POM121: variants seen among roughly 807,000 people sequenced by gnomAD.
The protein encoded by POM121 is POM121 transmembrane nucleoporin.
POM121 carries 32 observed loss-of-function variants against 81.3 expected under a neutral mutation model. The observed-to-expected ratio is 0.39, with a 90% CI of 0.30 to 0.53. POM121 has a LOEUF of 0.53. POM121 is among the 20% of genes least tolerant of loss of function. The probability of loss-of-function intolerance (pLI) is 0.66; values close to 1 mark genes in which losing one functional copy is unlikely to be tolerated. For synonymous variants in POM121, 514 were observed against 694.2 expected, an observed-to-expected ratio of 0.74 and a Z score of 4.08; for missense variants, 1,138 against 1,614.6, an observed-to-expected ratio of 0.70 and a Z score of 5.06.
chr7:72,889,728 A>G (rs1554490597), intron 1 of POM121, among the ~76,000 whole-genome samples: 1 of 152,074 alleles, frequency 6.6e-6, no homozygotes, highest in Non-Finnish European at 1.5e-5. Context: ...ATGTTGCCCA[A>G]CCTGGTCTCG....
intron 3 of POM121, among the ~76,000 whole-genome samples, chr7:72,899,617 C>T (rs1479367206): frequency 6.4e-5 from 9 of 141,684 alleles, no homozygotes; most frequent in South Asian, 2.2e-4. Flanking sequence ...CTCGCTCTGT[C>T]GCCCAGGCTG....
intron 5 of POM121, among the ~76,000 whole-genome samples, chr7:72,935,134 T>C (rs1482343192): frequency 6.6e-6 from 1 of 152,068 alleles, no homozygotes; most frequent in African/African-American, 2.4e-5. Flanking sequence ...AATATTGACC[T>C]TGTTTACTTC....
Position 72,917,012 on chromosome 7 carries a change from T to C in POM121, c.-152+3184T>C, listed in dbSNP as rs1794350251. ...GTCTTGGCATGATTTGTGACTGTCA[T>C]TGAAACATGGACATTTGAATATTGC... On this transcript the variant is annotated intron_variant, in intron 4 of 15. Coordinates refer to the POM121 transcript ENST00000395270. 3.3e-5 allele frequency among the ~76,000 whole-genome samples: 5 copies of C among 152,354 alleles called. No individual in the cohort carries two copies. The South Asian group carries it at 1.0e-3, about 32-fold the overall frequency.
intron 5 of POM121, among the ~76,000 whole-genome samples, chr7:72,932,673 T>C (rs1185115466): frequency 1.3e-5 from 2 of 152,214 alleles, no homozygotes; most frequent in African/African-American, 4.8e-5. Flanking sequence ...CCCCTCAGCG[T>C]TGTATGAGAG....
At position 72,946,480 on chromosome 7, in the gene POM121, G is replaced by A; in HGVS notation, c.*246G>A. On this transcript the variant is annotated 3_prime_UTR_variant, in exon 13 of 13. Coordinates refer to ENST00000434423, the MANE Select transcript of POM121 (RefSeq NM_001387691.1). ...GACCTCTACTTGAACAGTTCTACTG[G>A]GGAGGCTGGAGAACTAAGGAAACAC... is the stretch of plus-strand genomic sequence containing the variant. 7.5e-7 allele frequency: 1 copy of A among 1,331,042 alleles called. No individual in the cohort carries two copies. The highest frequency in any genetic ancestry group is 1.5e-5 in the African/African-American group (1 of 66,870). 82.5% of individuals were successfully genotyped at this position (1,331,042 alleles called of 1,614,324 possible). A position where few individuals can be genotyped will look rare whatever the true frequency, so the allele number is the denominator to read the frequency against.
intron 3 of POM121, among the ~76,000 whole-genome samples, chr7:72,913,393 T>G (rs536097484): frequency 2.0e-5 from 3 of 152,366 alleles, no homozygotes; most frequent in African/African-American, 7.2e-5. Flanking sequence ...TTTTCCAGTC[T>G]TCCTTTACTT....
chr7:72,888,661 G>A, intron 1 of POM121, among the ~76,000 whole-genome samples: 1 of 145,198 alleles, frequency 6.9e-6, no homozygotes, highest in East Asian at 2.0e-4. Flanking sequence ...GGACCGAGAA[G>A]ACTGAGGCAT....
chr7:72,928,304 G>A (rs1795671457), intron 3 of POM121, 81 bp from the exon 4 acceptor site: 3 of 1,551,768 alleles, frequency 1.9e-6, no homozygotes, highest in Admixed American at 1.7e-5. Context: ...GATAGTATAA[G>A]GTCCCAGAAA....
rs1554501560 is a variant in POM121, at chr7:72,942,474, C to T, written c.2481C>T (p.Ser827=). ...CTCCCATCACCTCTGCCAGTCCATC[C>T]ACAGACTCTGCTTCGAAGCCTGCGT... The part of the protein sequence containing the change: ...AVAPITSASP[S]TDSASKPAFG... Residue 827 remains serine (S), a synonymous_variant, in exon 11 of 13, where the codon TCC becomes TCT. Coordinates refer to ENST00000434423, the MANE Select transcript of POM121 (RefSeq NM_001387691.1). 1 of 1,318,612 alleles carries T rather than the reference C, an allele frequency of 7.6e-7. No homozygotes were observed. 81.7% of individuals were successfully genotyped at this position (1,318,612 alleles called of 1,614,324 possible). A position where few individuals can be genotyped will look rare whatever the true frequency, so the allele number is the denominator to read the frequency against.
intron 4 of POM121, among the ~76,000 whole-genome samples, chr7:72,919,676 C>G (rs1181621479): frequency 6.6e-6 from 1 of 152,006 alleles, no homozygotes; most frequent in African/African-American, 2.4e-5. Flanking sequence ...GAGACAGGTT[C>G]TTACTATGTT....
chr7:72,919,303 AT>A (rs2129577007), intron 4 of POM121, among the ~76,000 whole-genome samples: 1 of 144,856 alleles, frequency 6.9e-6, no homozygotes, highest in African/African-American at 2.6e-5. Flanking sequence ...CCTCAATTAT[AT>A]TTTAAAGAGA....
chr7:72,923,974 C>T (rs1795096890), upstream of POM121, among the ~76,000 whole-genome samples: 1 of 149,708 alleles, frequency 6.7e-6, no homozygotes, highest in African/African-American at 2.5e-5. Context: ...GAGACGGAGT[C>T]TCGGTCTGTC....
chr7:72,901,218 C>CTTTTTTTTT (rs781884870), intron 3 of POM121, among the ~76,000 whole-genome samples: 1 of 139,198 alleles, frequency 7.2e-6, no homozygotes, highest in Non-Finnish European at 1.6e-5. Context: ...TTCTTTTTTT[C>CTTTTTTTTT]TTTTTTTTTT....
chr7:72,886,723 G>A (rs1356800605), intron 1 of POM121, among the ~76,000 whole-genome samples: 1 of 151,794 alleles, frequency 6.6e-6, no homozygotes, highest in African/African-American at 2.4e-5. Flanking sequence ...ATGTTTCTCT[G>A]TTGTCTTCCT....
chr7:72,945,220 G>A (rs1797554032), intron 11 of POM121, among the ~76,000 whole-genome samples: 1 of 152,170 alleles, frequency 6.6e-6, no homozygotes, highest in Admixed American at 6.5e-5. Context: ...AGAGGGGAGG[G>A]GACGGTGGCT....
chr7:72,915,346 A>C (rs1794193864), intron 4 of POM121, among the ~76,000 whole-genome samples: 2 of 152,100 alleles, frequency 1.3e-5, no homozygotes. Context: ...TAACTAACTA[A>C]TATTGATTAA....
chr7:72,923,122 C>T (rs555536234), upstream of POM121, among the ~76,000 whole-genome samples: 1 of 149,886 alleles, frequency 6.7e-6, no homozygotes, highest in African/African-American at 2.5e-5. Context: ...AACCCCCCCC[C>T]CCTTTTTTTT....
intron 3 of POM121, among the ~76,000 whole-genome samples, chr7:72,911,261 G>T (rs1447974886): frequency 6.6e-6 from 1 of 152,246 alleles, no homozygotes; most frequent in South Asian, 2.1e-4. Context: ...TGGGATTACA[G>T]GCATGAGCCA....
At chr7:72,914,773 T>A (rs1424235354) in intron 4 of POM121, among the ~76,000 whole-genome samples, 1 of 152,090 alleles carries the variant, frequency 6.6e-6, no homozygotes, top group African/African-American at 2.4e-5. Context: ...AAGGTGTGTG[T>A]TTCTCCTTTT....
Sources: allele counts gnomAD v4.1 joint callset (sites outside exome capture counted in the v4.1 genomes callset), GRCh38; gene constraint gnomAD v4.1.1; transcripts MANE v1.5; gene names NCBI Gene and HGNC (gene_info 2026-07-23, HGNC 2026-07-21).